Variants in BTBD9 observed in about 807,000 individuals in gnomAD.
BTBD9 encodes the protein BTB domain containing 9.
BTBD9 carries 49 observed loss-of-function variants against 64.3 expected under a neutral mutation model. The ratio of observed to expected loss-of-function variants is 0.76; its 90% CI spans 0.61 to 0.97. The LOEUF (loss-of-function observed/expected upper bound fraction) is 0.97, where lower values mean the gene tolerates loss of function less well. Among genes scored for constraint, BTBD9 ranks in the 50% least tolerant of loss-of-function variants. The pLI is 0.00. For synonymous variants in BTBD9, 260 were observed against 274.7 expected (o/e 0.95, Z 0.53); for missense variants, 598 against 762.1 (o/e 0.78, Z 2.53).
At chr6:38,497,665 C>G (rs1467985687) in intron 6 of BTBD9, among the ~76,000 whole-genome samples, 1 of 152,140 alleles carries the variant, frequency 6.6e-6, no homozygotes, top group East Asian at 1.9e-4. Flanking sequence ...AAGTATTCAG[C>G]AAGAAGGAAC....
In BTBD9 at chr6:38,573,402, G is replaced by A. The variant is rs147655195; in HGVS notation, c.1154+4198C>T. Among the ~76,000 whole-genome samples the A allele has an allele frequency of 4.2e-3, 636 of 152,168 alleles. 9 individuals carry two copies. The highest frequency in any genetic ancestry group is 0.015 in the African/African-American group (602 of 41,516). ...AGGAAATAAAGAAAGAAACCGTTTTGTATTAACCAAGTTCATCTCTCCTAT... is the reference window on the plus strand; with the variant it reads ...AGGAAATAAAGAAAGAAACCGTTTTATATTAACCAAGTTCATCTCTCCTAT... On this transcript the variant is annotated intron_variant, in intron 6 of 10. Transcript: ENST00000481247.
At chr6:38,340,399 C>A (rs1764053155) in intron 7 of BTBD9, among the ~76,000 whole-genome samples, 1 of 152,110 alleles carries the variant, frequency 6.6e-6, no homozygotes, top group Non-Finnish European at 1.5e-5. Flanking sequence ...AAGCACGGAA[C>A]TATCAAGGAC....
intron 6 of BTBD9, among the ~76,000 whole-genome samples, chr6:38,508,875 G>A (rs1287654110): frequency 1.3e-5 from 2 of 151,278 alleles, no homozygotes; most frequent in African/African-American, 2.4e-5. Context: ...TCCATCAACC[G>A]TAACCTTCTA....
rs139928067 is a variant in BTBD9 at position 38,237,936 on chromosome 6, G to A, written c.1562+18473C>T. Among the ~76,000 whole-genome samples the A allele has an allele frequency of 2.1e-3, 318 of 152,094 alleles. 1 individual carries two copies. Among genetic ancestry groups the A allele is most frequent in the African/African-American group, 7.0e-3 (291 of 41,496 alleles). On this transcript the variant is annotated intron_variant, in intron 9 of 10. Coordinates refer to ENST00000481247, the MANE Select transcript of BTBD9 (RefSeq NM_001099272.2). The stretch of plus-strand genomic sequence containing the variant: ...AAAGACTGCTTGAGGCCAGGAGTTC[G>A]AGACCAGCCTGGGCAATAAAGAGAG...
intron 8 of BTBD9, among the ~76,000 whole-genome samples, chr6:38,287,145 T>C (rs569901672): frequency 4.1e-4 from 46 of 113,548 alleles, no homozygotes; most frequent in South Asian, 2.7e-3. Flanking sequence ...CACACACACA[T>C]ATAGCAGCCT....
chr6:38,368,497 G>T (rs1483707798), intron 6 of BTBD9, among the ~76,000 whole-genome samples: 2 of 151,962 alleles, frequency 1.3e-5, no homozygotes, highest in Non-Finnish European at 2.9e-5. Flanking sequence ...ACTGTGCCTG[G>T]CTAATTTTTG....
rs1248504857 is a variant in BTBD9, at chr6:38,385,393, T to G, written c.1155-40300A>C. On this transcript the variant is annotated intron_variant, in intron 6 of 10. Coordinates refer to ENST00000481247, the MANE Select transcript of BTBD9 (RefSeq NM_001099272.2). Reference sequence around the variant, plus strand: ...TTAGTAGAGACGGGGTTTCACCATGTTAGCCAGCCTGGTCTCGAACTTCTG... The same window carrying G: ...TTAGTAGAGACGGGGTTTCACCATGGTAGCCAGCCTGGTCTCGAACTTCTG... Among the ~76,000 whole-genome samples the G allele has an allele frequency of 2.0e-5, 3 of 151,990 alleles. No homozygotes were observed. The East Asian group carries it at 5.8e-4, about 30-fold the overall frequency.
intron 6 of BTBD9, among the ~76,000 whole-genome samples, chr6:38,370,035 A>G (rs1263448966): frequency 6.6e-6 from 1 of 152,222 alleles, no homozygotes; most frequent in Non-Finnish European, 1.5e-5. Flanking sequence ...GGTCTCTAAT[A>G]AGGCCTGACC....
chr6:38,409,799 G>A (rs1247809378), intron 6 of BTBD9, among the ~76,000 whole-genome samples: 5 of 151,962 alleles, frequency 3.3e-5, no homozygotes, highest in Admixed American at 3.3e-4. Flanking sequence ...ACTCCAGCCT[G>A]GGCAACAGAG....
chr6:38,245,378 T>C (rs1764148441), intron 9 of BTBD9, among the ~76,000 whole-genome samples: 1 of 151,238 alleles, frequency 6.6e-6, no homozygotes, highest in African/African-American at 2.4e-5. Context: ...TAAGTGGGGG[T>C]GGTTAATGAG....
chr6:38,489,892 C>T (rs761552541), intron 6 of BTBD9, among the ~76,000 whole-genome samples: 1 of 152,206 alleles, frequency 6.6e-6, no homozygotes, highest in Non-Finnish European at 1.5e-5. Context: ...TCTTCTATCA[C>T]AAATATTGTA....
At chr6:38,596,035 C>T (rs1385976245) in intron 2 of BTBD9, 22 of 985,338 alleles carry the variant, frequency 2.2e-5, no homozygotes, top group Non-Finnish European at 2.5e-5. Flanking sequence ...TCAATGTTTA[C>T]TATGAAGTTT....
intron 9 of BTBD9, among the ~76,000 whole-genome samples, chr6:38,216,060 C>T (rs1763000418): frequency 3.3e-5 from 5 of 152,188 alleles, no homozygotes; most frequent in Admixed American, 3.3e-4. Flanking sequence ...AAGCACGGCT[C>T]TGTTCTATAA....
chr6:38,247,839 C>A (rs151143399), intron 9 of BTBD9, among the ~76,000 whole-genome samples: 244 of 152,238 alleles, frequency 1.6e-3, no homozygotes, highest in African/African-American at 5.8e-3. Context: ...TGATTTACTG[C>A]TGGCAGTGAA....
chr6:38,480,789 T>C (rs912017337), intron 6 of BTBD9, among the ~76,000 whole-genome samples: 14 of 152,206 alleles, frequency 9.2e-5, no homozygotes, highest in Middle Eastern at 3.4e-3. Flanking sequence ...CCAGTGCCAG[T>C]TTTAGATCCA....
chr6:38,458,948 G>A (rs555760589), intron 6 of BTBD9, among the ~76,000 whole-genome samples: 2 of 152,228 alleles, frequency 1.3e-5, no homozygotes, highest in African/African-American at 4.8e-5. Context: ...TCTATTAAAG[G>A]TATTATTTCA....
intron 8 of BTBD9, among the ~76,000 whole-genome samples, chr6:38,258,804 C>T (rs1444622677): frequency 2.6e-5 from 4 of 152,144 alleles, no homozygotes; most frequent in African/African-American, 4.8e-5. Flanking sequence ...GCAGGAGAAT[C>T]GCTTGAATCC....
rs190695081 is a variant in BTBD9, at chr6:38,180,792, C to T, written c.1642-5610G>A. Among the ~76,000 whole-genome samples, 15 of 152,352 alleles carry T rather than the reference C, an allele frequency of 9.8e-5. No individual in the cohort carries two copies. The East Asian group carries it at 1.2e-3, about 12-fold the overall frequency. ...GCCGCTGCTCACAAAGGGGCGCCTTCGCTGAACCGTCTTCAATGGCCTCTG... is the reference window on the plus strand; with the variant it reads ...GCCGCTGCTCACAAAGGGGCGCCTTTGCTGAACCGTCTTCAATGGCCTCTG... On this transcript the variant is annotated intron_variant, in intron 10 of 10. Transcript: ENST00000481247.
intron 6 of BTBD9, among the ~76,000 whole-genome samples, chr6:38,474,873 T>A (rs1770809042): frequency 6.6e-6 from 1 of 152,052 alleles, no homozygotes; most frequent in Non-Finnish European, 1.5e-5. Context: ...AAACTCCAAA[T>A]GAAAGTAAAG....
Sources: allele counts gnomAD v4.1 joint callset (sites outside exome capture counted in the v4.1 genomes callset), GRCh38; gene constraint gnomAD v4.1.1; transcripts MANE v1.5; gene names NCBI Gene and HGNC (gene_info 2026-07-23, HGNC 2026-07-21).